Variants in RHCE observed in about 807,000 individuals in gnomAD.
RHCE encodes the protein Rh blood group CcEe antigens, also known as blood group Rh(CE) polypeptide.
Under a neutral mutation model 43.8 loss-of-function variants are expected in RHCE, and 22 were observed. That is an observed-to-expected ratio of 0.50 (90% CI 0.36 to 0.72). RHCE has a LOEUF of 0.72. Ranked by LOEUF, RHCE falls within the 30% of genes least tolerant of loss-of-function variation. The pLI is 0.00. For missense variants in RHCE, 385 were observed against 525.4 expected, an observed-to-expected ratio of 0.73 and a Z score of 2.61; for synonymous variants, 156 against 210.7, an observed-to-expected ratio of 0.74 and a Z score of 2.25.
intron 3 of RHCE, among the ~76,000 whole-genome samples, chr1:25,394,572 T>C (rs1345049872): frequency 6.6e-6 from 1 of 152,170 alleles, no homozygotes; most frequent in East Asian, 1.9e-4. Context: ...TGCTATATCT[T>C]TTGCCTATTT....
chr1:25,393,418 C>A, intron 3 of RHCE, among the ~76,000 whole-genome samples: 2 of 152,096 alleles, frequency 1.3e-5, no homozygotes, highest in South Asian at 4.2e-4. Flanking sequence ...GTCAGGAGTT[C>A]GATACCAGCC....
intron 5 of RHCE, among the ~76,000 whole-genome samples, chr1:25,389,511 C>G (rs1328307828): frequency 6.6e-6 from 1 of 152,128 alleles, no homozygotes; most frequent in African/African-American, 2.4e-5. Flanking sequence ...TGGCCTCAAC[C>G]AATCCTCTTG....
intron 1 of RHCE, among the ~76,000 whole-genome samples, chr1:25,412,481 G>A (rs528798212): frequency 1.6e-4 from 25 of 152,164 alleles, no homozygotes; most frequent in Non-Finnish European, 3.1e-4. Flanking sequence ...GGGAGGCCAA[G>A]GAAGGAGGAT....
At chr1:25,412,132 C>A (rs1205810027) in intron 1 of RHCE, among the ~76,000 whole-genome samples, 1 of 152,232 alleles carries the variant, frequency 6.6e-6, no homozygotes, top group East Asian at 1.9e-4. Context: ...CAGCAGTGAA[C>A]TAACTACCAG....
intron 3 of RHCE, among the ~76,000 whole-genome samples, chr1:25,400,689 T>C (rs1294690413): frequency 6.6e-6 from 1 of 151,592 alleles, no homozygotes; most frequent in Admixed American, 6.6e-5. Flanking sequence ...TCCACTGGGA[T>C]GTTTCATACA....
At chr1:25,403,118 G>A (rs1219950751) in intron 2 of RHCE, among the ~76,000 whole-genome samples, 10 of 151,778 alleles carry the variant, frequency 6.6e-5, no homozygotes, top group Non-Finnish European at 7.4e-5. Context: ...GCCATCATTC[G>A]GATGCTCAAC....
chr1:25,408,375 A>G lies in RHCE; in HGVS notation c.335+308T>C, dbSNP rs1007720597. 8.1e-5 allele frequency among the ~76,000 whole-genome samples: 10 copies of G among 122,866 alleles called. 2 individuals are homozygous for G. The highest frequency in any genetic ancestry group is 1.9e-4 in the Non-Finnish European group (10 of 53,952). The allele number at this position is 122,866 out of a possible 152,430, so 80.6% of individuals were successfully genotyped here. On this transcript the variant is annotated intron_variant, in intron 2 of 9. Transcript: ENST00000294413. ...AACGTGTTTCCTTCTTACGTTTTCC[A>G]TAAACTTATACTGATTATGTAACTT... is the stretch of plus-strand genomic sequence containing the variant.
At chr1:25,378,225 G>C (rs1345137646) in intron 7 of RHCE, among the ~76,000 whole-genome samples, 1 of 152,152 alleles carries the variant, frequency 6.6e-6, no homozygotes, top group African/African-American at 2.4e-5. Context: ...GATTAGATTG[G>C]CGCAAACTAC....
At chr1:25,415,607 G>A (rs893145727) in intron 1 of RHCE, among the ~76,000 whole-genome samples, 16 of 151,878 alleles carry the variant, frequency 1.1e-4, no homozygotes, top group African/African-American at 2.9e-4. Context: ...AGCCAAGATC[G>A]CACCACTGCA....
intron 7 of RHCE, among the ~76,000 whole-genome samples, chr1:25,384,967 T>C (rs1035192925): frequency 1.3e-5 from 2 of 152,258 alleles, no homozygotes; most frequent in Non-Finnish European, 2.9e-5. Flanking sequence ...ATTATCATCA[T>C]GCTATCAGTT....
At chr1:25,400,982 T>C (rs952837494) in intron 3 of RHCE, among the ~76,000 whole-genome samples, 2 of 152,184 alleles carry the variant, frequency 1.3e-5, no homozygotes, top group African/African-American at 4.8e-5. Flanking sequence ...GTCTGGATGA[T>C]GGCCATCACT....
At chr1:25,413,121 T>C (rs672267) in intron 1 of RHCE, among the ~76,000 whole-genome samples, 113 of 152,172 alleles carry the variant, frequency 7.4e-4, no homozygotes, top group African/African-American at 2.2e-3. Flanking sequence ...TCCAGGTATA[T>C]GCGCTCAGGG....
intron 3 of RHCE, among the ~76,000 whole-genome samples, chr1:25,397,840 C>T (rs1009314174): frequency 6.8e-5 from 10 of 146,226 alleles, no homozygotes; most frequent in African/African-American, 2.0e-4. Context: ...TTTCAAGCAT[C>T]GCACCTGATA....
chr1:25,385,273 C>T (rs566097096), intron 7 of RHCE, among the ~76,000 whole-genome samples: 5 of 152,330 alleles, frequency 3.3e-5, no homozygotes, highest in Admixed American at 1.3e-4. Context: ...ATCCCAACAG[C>T]CCTGTGAGGG....
At chr1:25,388,570 GC>G (rs1444787692) in intron 6 of RHCE, among the ~76,000 whole-genome samples, 2 of 151,908 alleles carry the variant, frequency 1.3e-5, no homozygotes, top group African/African-American at 4.8e-5. Flanking sequence ...CTTTCTTGAA[GC>G]AAAAGACTAC....
rs1187324433 is a variant in RHCE, at chr1:25,385,844, C to T, written c.940G>A (p.Val314Met). The T allele has an allele frequency of 6.2e-7, 1 of 1,614,062 alleles. No homozygotes were observed. Among genetic ancestry groups the T allele is most frequent in the Non-Finnish European group, 8.5e-7 (1 of 1,180,018 alleles). The part of the protein sequence containing the change: ...ISIGGAKCLP[V>M]CCNRVLGIHH... ...ATCCCCAGCACTCGGTTACAACACA[C>T]CTGTGGACAAGTGTTATTATAAGCA... The change falls in exon 7 of 10, where the codon GTG becomes ATG. Residue 314 changes from valine (V) to methionine (M), a missense_variant and splice_region_variant. Physicochemically the swap from Val to Met is conservative, Grantham distance 21. This residue lies in a region of RHCE where 82 missense variants were observed against 69.2 expected (regional missense o/e 1.18). Coordinates refer to ENST00000294413, the MANE Select transcript of RHCE (RefSeq NM_020485.8).
At chr1:25,425,321 G>A (rs767372864), upstream of RHCE, among the ~76,000 whole-genome samples, 4 of 152,080 alleles carry the variant, frequency 2.6e-5, no homozygotes, top group African/African-American at 4.8e-5. Context: ...CTATTTCATC[G>A]GATCTTCCTC....
intron 2 of RHCE, among the ~76,000 whole-genome samples, chr1:25,426,572 T>A (rs956446398): frequency 6.6e-6 from 1 of 152,212 alleles, no homozygotes; most frequent in African/African-American, 2.4e-5. Flanking sequence ...GTAATCTCTA[T>A]CTCATAGGAT....
upstream of RHCE, chr1:25,430,193 C>T (rs1054174378): frequency 6.6e-6 from 1 of 152,082 alleles, no homozygotes. Context: ...CCCCGGGCAT[C>T]TCTGCGCTAC....
Sources: allele counts gnomAD v4.1 joint callset (sites outside exome capture counted in the v4.1 genomes callset), GRCh38; gene constraint gnomAD v4.1.1; regional missense constraint gnomAD v4.1.1; transcripts MANE v1.5; gene names NCBI Gene and HGNC (gene_info 2026-07-23, HGNC 2026-07-21).